ATG7: variants seen among roughly 807,000 people sequenced by gnomAD.
ATG7 encodes ubiquitin-like modifier-activating enzyme ATG7.
In ATG7, 70 loss-of-function variants were observed where a neutral mutation model predicts 82.4. The observed-to-expected ratio is 0.85, with a 90% CI of 0.70 to 1.04. The LOEUF (loss-of-function observed/expected upper bound fraction) is 1.04. ATG7 is among the 50% of genes least tolerant of loss of function. The pLI is 0.00. For missense variants in ATG7, 792 were observed against 864.3 expected, an observed-to-expected ratio of 0.92 and a Z score of 1.05; for synonymous variants, 287 against 313.0, an observed-to-expected ratio of 0.92 and a Z score of 0.88.
At chr3:11,468,848 A>T (rs1015619294) in intron 20 of ATG7, among the ~76,000 whole-genome samples, 4 of 152,144 alleles carry the variant, frequency 2.6e-5, no homozygotes, top group African/African-American at 9.7e-5. Context: ...TCTAAAATAG[A>T]TTTGGAACCA....
intron 20 of ATG7, among the ~76,000 whole-genome samples, chr3:11,503,755 C>A (rs370146619): frequency 0.015 from 1,138 of 76,672 alleles, no homozygotes; most frequent in African/African-American, 0.018. Context: ...GACTCTGTCT[C>A]AAAAAAAAAA....
chr3:11,562,572 G>C (rs2073118383), downstream of ATG7, among the ~76,000 whole-genome samples: 1 of 152,248 alleles, frequency 6.6e-6, no homozygotes, highest in Admixed American at 6.5e-5. Flanking sequence ...AGCTGCTGGA[G>C]CACAGGCAAC....
chr3:11,472,584 C>T (rs2087671359), intron 20 of ATG7, among the ~76,000 whole-genome samples: 1 of 152,150 alleles, frequency 6.6e-6, no homozygotes, highest in Admixed American at 6.5e-5. Context: ...TATCAAAGGG[C>T]TGAGCAAGCA....
At chr3:11,353,258 A>G (rs1484801938) in intron 14 of ATG7, among the ~76,000 whole-genome samples, 1 of 152,122 alleles carries the variant, frequency 6.6e-6, no homozygotes, top group Admixed American at 6.5e-5. Context: ...CCTGGCCAAC[A>G]TGGTGAAACC....
intron 11 of ATG7, among the ~76,000 whole-genome samples, chr3:11,334,057 G>A (rs1162937087): frequency 4.0e-5 from 6 of 151,562 alleles, no homozygotes; most frequent in Non-Finnish European, 8.8e-5. Context: ...CCAGCTTCGG[G>A]AATATTTCTT....
chr3:11,568,315 T>TGA, the ATG7 span, among the ~76,000 whole-genome samples: 1 of 152,188 alleles, frequency 6.6e-6, no homozygotes, highest in African/African-American at 2.4e-5. The surrounding 1 kb of genome is among the most constrained non-coding windows in gnomAD (Gnocchi z 5.9). Flanking sequence ...AGCATGACTA[T>TGA]GAGACCACAT....
Position 11,557,089 on chromosome 3 carries a change from G to C in ATG7, c.*2246G>C. On this transcript the variant is annotated 3_prime_UTR_variant, in exon 21 of 21. Coordinates refer to ENST00000693202, the MANE Select transcript of ATG7 (RefSeq NM_001349232.2). ...TCACCTGGTCAGGTGCCATCGTCGT[G>C]AGCCTCTGGTGGGCCAGGTGGGACA... 6.6e-6 allele frequency: 1 copy of C among 152,512 alleles called. No homozygotes were observed. The highest frequency in any genetic ancestry group is 1.9e-4 in the East Asian group (1 of 5,324). The allele number at this position is 152,512 out of a possible 1,614,324, so 9.4% of individuals were successfully genotyped here.
At chr3:11,372,672 T>C (rs1206912876) in intron 18 of ATG7, among the ~76,000 whole-genome samples, 1 of 151,120 alleles carries the variant, frequency 6.6e-6, no homozygotes, top group African/African-American at 2.4e-5. Context: ...ATTTTTATTT[T>C]TTCTGTATAT....
In ATG7 at chr3:11,358,541, G is replaced by T. The variant is rs774179469; in HGVS notation, c.1408G>T (p.Val470Phe). The T allele has an allele frequency of 6.2e-7, 1 of 1,614,114 alleles. No homozygotes were observed. Among genetic ancestry groups the T allele is most frequent in the Non-Finnish European group, 8.5e-7 (1 of 1,179,996 alleles). The change falls in exon 15 of 21, where the codon GTC (valine) becomes TTC (phenylalanine). Residue 470 changes from valine to phenylalanine, a missense_variant. Val to Phe is a conservative substitution (Grantham distance 50, BLOSUM62 -1). Coordinates refer to ENST00000693202, the MANE Select transcript of ATG7 (RefSeq NM_001349232.2). ...GGAGCAGCTCATCGAAAGCCATGATGTCGTCTTCCTATTGATGGACACCAG... is the reference window on the plus strand; with the variant it reads ...GGAGCAGCTCATCGAAAGCCATGATTTCGTCTTCCTATTGATGGACACCAG... ...QLEQLIESHD[V>F]VFLLMDTRES...
intron 20 of ATG7, among the ~76,000 whole-genome samples, chr3:11,529,980 C>T (rs1056298434): frequency 1.3e-5 from 2 of 152,216 alleles, no homozygotes; most frequent in South Asian, 4.1e-4. Flanking sequence ...TTCCTTCTCA[C>T]TCCTTTTCTT....
At position 11,384,898 on chromosome 3, in the gene ATG7, A is replaced by G. The variant is rs140888998; in HGVS notation, c.1956+4846A>G. ...ATCCTTGAGCCCAGAGGTTGAGATC[A>G]TGCCATGGCACTATAGCCTGGGCGA... On this transcript the variant is annotated intron_variant, in intron 19 of 20. Coordinates refer to ENST00000693202, the MANE Select transcript of ATG7 (RefSeq NM_001349232.2). Among the ~76,000 whole-genome samples the G allele has an allele frequency of 2.1e-3, 320 of 152,324 alleles. 1 individual carries two copies. The highest frequency in any genetic ancestry group is 3.7e-3 in the Admixed American group (57 of 15,304).
At chr3:11,358,008 C>CAAAAA (rs549902316) in intron 14 of ATG7, among the ~76,000 whole-genome samples, 1 of 80,906 alleles carries the variant, frequency 1.2e-5, no homozygotes, top group Non-Finnish European at 2.7e-5. Context: ...GACCTTGTCT[C>CAAAAA]AAAAAAAAAA....
chr3:11,503,157 C>A lies in ATG7; in HGVS notation c.2080-51654C>A, dbSNP rs114914279. Among the ~76,000 whole-genome samples, 5 of 152,202 alleles carry A rather than the reference C, an allele frequency of 3.3e-5. No homozygotes were observed. The South Asian group carries it at 1.0e-3, about 32-fold the overall frequency. ...CTGACCAGCTCAAAAGAGCAGTTGT[C>A]GGGGGCTCTTTGAATGACAGTCGGC... On this transcript the variant is annotated intron_variant, in intron 20 of 20. Transcript: ENST00000693202.
At chr3:11,298,600 G>T in intron 3 of ATG7, 86 bp from the exon 4 acceptor site, 2 of 1,352,930 alleles carry the variant, frequency 1.5e-6, no homozygotes, top group Admixed American at 2.2e-5. Context: ...TTGTTTGTTT[G>T]AATTAAACTT....
intron 18 of ATG7, among the ~76,000 whole-genome samples, chr3:11,377,627 C>CA (rs1189915680): frequency 6.6e-6 from 1 of 152,184 alleles, no homozygotes; most frequent in Non-Finnish European, 1.5e-5. Context: ...AAACAGCATG[C>CA]AGAAACCTTT....
chr3:11,281,830 C>A (rs1280697640), intron 2 of ATG7, among the ~76,000 whole-genome samples: 1 of 150,934 alleles, frequency 6.6e-6, no homozygotes, highest in African/African-American at 2.4e-5. Flanking sequence ...TTTTGAAAAT[C>A]GGAAATCAGG....
chr3:11,560,770 G>A (rs1161107324), downstream of ATG7, among the ~76,000 whole-genome samples: 1 of 152,184 alleles, frequency 6.6e-6, no homozygotes, highest in Non-Finnish European at 1.5e-5. Flanking sequence ...GCGGGACAGA[G>A]CTGCCCAGGG....
At chr3:11,542,628 G>A (rs915291909) in intron 20 of ATG7, among the ~76,000 whole-genome samples, 7 of 152,000 alleles carry the variant, frequency 4.6e-5, no homozygotes, top group African/African-American at 1.7e-4. Context: ...TTCTCATCTG[G>A]TCTTCCATAT....
downstream of ATG7, chr3:11,559,525 C>T: frequency 6.8e-7 from 1 of 1,463,414 alleles, no homozygotes; most frequent in South Asian, 1.4e-5. Flanking sequence ...GGGGCCCTCC[C>T]CAGCACCCTT....
Sources: allele counts gnomAD v4.1 joint callset (sites outside exome capture counted in the v4.1 genomes callset), GRCh38; gene constraint gnomAD v4.1.1; non-coding constraint Gnocchi (gnomAD v3.1); transcripts MANE v1.5; gene names NCBI Gene and HGNC (gene_info 2026-07-23, HGNC 2026-07-21).